Variants in RAP1GAP2 observed in about 807,000 individuals in gnomAD.
RAP1GAP2 encodes rap1 GTPase-activating protein 2.
In RAP1GAP2, 27 loss-of-function variants were observed where a neutral mutation model predicts 95.0. The ratio of observed to expected loss-of-function variants is 0.28; its 90% confidence interval spans 0.21 to 0.39. The LOEUF is 0.39. RAP1GAP2 is among the 10% of genes least tolerant of loss of function. RAP1GAP2 has a pLI of 1.00. For synonymous variants in RAP1GAP2, 373 were observed against 380.9 expected, an observed-to-expected ratio of 0.98 and a Z score of 0.24; for missense variants, 771 against 970.0, an observed-to-expected ratio of 0.79 and a Z score of 2.72.
At position 3,029,743 on chromosome 17, in the gene RAP1GAP2, G is replaced by A. The variant is rs979846620; in HGVS notation, c.2108-1179G>A. On this transcript the variant is annotated intron_variant, in intron 22 of 24. Coordinates refer to ENST00000254695, the MANE Select transcript of RAP1GAP2 (RefSeq NM_015085.5). The surrounding 1 kb of genome is among the most constrained non-coding windows in gnomAD (Gnocchi z 4.4). ...GGCCAGAGGACAGCCAGAAAGTCAA[G>A]TGGCCCTCCTGCCAGCGGGGCACAG... Among the ~76,000 whole-genome samples, 1 of 152,148 alleles carries A rather than the reference G, an allele frequency of 6.6e-6. No homozygotes were observed. The highest frequency in any genetic ancestry group is 1.5e-5 in the Non-Finnish European group (1 of 68,038).
chr17:2,938,966 A>G (rs934173766), intron 3 of RAP1GAP2, among the ~76,000 whole-genome samples: 1 of 152,214 alleles, frequency 6.6e-6, no homozygotes, highest in East Asian at 1.9e-4. Flanking sequence ...AGCCTGGGCA[A>G]CAAGAGTGAA....
rs558852443 is a variant in RAP1GAP2, at chr17:2,827,367, A to G, written c.80+26817A>G. ...TGTGGCACTTTCTAGTCAGGGAGGC[A>G]GATGAGAACAGAATGAAGAACGCAG... On this transcript the variant is annotated intron_variant, in intron 2 of 24. Transcript: ENST00000254695. The surrounding 1 kb of genome is among the most constrained non-coding windows in gnomAD (Gnocchi z 4.1). 6.6e-6 allele frequency among the ~76,000 whole-genome samples: 1 copy of G among 151,828 alleles called. No homozygotes were observed. The highest frequency in any genetic ancestry group is 2.1e-4 in the South Asian group (1 of 4,778).
intron 1 of RAP1GAP2, among the ~76,000 whole-genome samples, chr17:2,763,180 G>A (rs974447560): frequency 5.3e-5 from 8 of 152,294 alleles, no homozygotes; most frequent in South Asian, 2.1e-4. Context: ...AGTTGGACTC[G>A]TTAGTGGGGA....
intron 3 of RAP1GAP2, among the ~76,000 whole-genome samples, chr17:2,940,758 T>C (rs555888180): frequency 6.6e-6 from 1 of 152,164 alleles, no homozygotes; most frequent in Non-Finnish European, 1.5e-5. Context: ...CTTGGCCAGG[T>C]GGGGACTGTG....
At chr17:2,776,475 A>G (rs910665959), upstream of RAP1GAP2, among the ~76,000 whole-genome samples, 1 of 152,028 alleles carries the variant, frequency 6.6e-6, no homozygotes, top group Admixed American at 6.5e-5. Context: ...TTTGTTCCGG[A>G]GGAGCCGCCT....
intron 1 of RAP1GAP2, among the ~76,000 whole-genome samples, chr17:2,761,301 T>C (rs2071243104): frequency 6.8e-6 from 1 of 147,518 alleles, no homozygotes; most frequent in African/African-American, 2.5e-5. Flanking sequence ...TTTTTTTTTT[T>C]TTTTGAGACG....
chr17:2,893,868 C>G (rs749336285), intron 2 of RAP1GAP2, among the ~76,000 whole-genome samples: 17 of 152,196 alleles, frequency 1.1e-4, no homozygotes, highest in Non-Finnish European at 1.9e-4. Context: ...GAGGTGGAGC[C>G]TCTGCCACCC....
intron 2 of RAP1GAP2, among the ~76,000 whole-genome samples, chr17:2,877,077 C>T (rs146061141): frequency 4.6e-5 from 7 of 151,858 alleles, no homozygotes; most frequent in South Asian, 4.2e-4. Context: ...TTAGTAGAGA[C>T]GGGGTTTCTC....
intron 3 of RAP1GAP2, among the ~76,000 whole-genome samples, chr17:2,931,086 C>T (rs1384822304): frequency 2.2e-5 from 3 of 139,422 alleles, no homozygotes; most frequent in East Asian, 2.2e-4. Flanking sequence ...CGTGCCCTTG[C>T]ACTCTGGCCT....
intron 1 of RAP1GAP2, among the ~76,000 whole-genome samples, chr17:2,760,901 T>C (rs1318488191): frequency 6.6e-6 from 1 of 152,158 alleles, no homozygotes; most frequent in Non-Finnish European, 1.5e-5. Flanking sequence ...ACTGGTATTA[T>C]GAGTTTTGGG....
chr17:2,958,770 T>C (rs560435893), intron 4 of RAP1GAP2, among the ~76,000 whole-genome samples: 2 of 150,898 alleles, frequency 1.3e-5, no homozygotes, highest in East Asian at 4.0e-4. Flanking sequence ...GGTCTGGAAG[T>C]CCTAGGAGGA....
At chr17:2,915,165 C>T (rs2042533890) in intron 3 of RAP1GAP2, among the ~76,000 whole-genome samples, 1 of 152,170 alleles carries the variant, frequency 6.6e-6, no homozygotes, top group Non-Finnish European at 1.5e-5. Context: ...TCAAGTGATC[C>T]TCCTGCCTGG....
intron 3 of RAP1GAP2, among the ~76,000 whole-genome samples, chr17:2,948,196 C>T (rs943365849): frequency 6.6e-6 from 1 of 152,196 alleles, no homozygotes; most frequent in Non-Finnish European, 1.5e-5. Flanking sequence ...CGCAAGCACT[C>T]AGACAGCGTG....
At chr17:2,952,499 G>A (rs1331240575) in intron 3 of RAP1GAP2, among the ~76,000 whole-genome samples, 2 of 152,158 alleles carry the variant, frequency 1.3e-5, no homozygotes, top group African/African-American at 2.4e-5. Context: ...ACCAAAGGAC[G>A]TGGATATTTT....
intron 13 of RAP1GAP2, among the ~76,000 whole-genome samples, chr17:2,996,450 G>A (rs1484193702): frequency 2.0e-5 from 3 of 152,226 alleles, no homozygotes; most frequent in Non-Finnish European, 2.9e-5. Context: ...AGGGAGCACA[G>A]ATGTAAAATT....
chr17:2,969,351 A>C (rs2044754248), intron 8 of RAP1GAP2, among the ~76,000 whole-genome samples: 1 of 151,930 alleles, frequency 6.6e-6, no homozygotes, highest in Admixed American at 6.6e-5. Context: ...AAAACAAAGT[A>C]AAACAAAGCA....
intron 2 of RAP1GAP2, among the ~76,000 whole-genome samples, chr17:2,810,266 G>A (rs1166692961): frequency 2.6e-5 from 4 of 152,230 alleles, no homozygotes; most frequent in Non-Finnish European, 5.9e-5. Flanking sequence ...CCCTGGGGGC[G>A]CTGGGAGAGG....
chr17:2,873,505 AAAAAAAGC>A (rs2072943345), intron 2 of RAP1GAP2, among the ~76,000 whole-genome samples: 1 of 147,648 alleles, frequency 6.8e-6, no homozygotes, highest in African/African-American at 2.5e-5. Context: ...AAAAAAAAAA[AAAAAAAGC>A]AGCAGCAGCT....
intron 3 of RAP1GAP2, among the ~76,000 whole-genome samples, chr17:2,944,495 TA>T (rs2043634952): frequency 6.6e-6 from 1 of 151,342 alleles, no homozygotes; most frequent in Non-Finnish European, 1.5e-5. Flanking sequence ...TGTCGGTTCA[TA>T]TGCCTGTTAT....
Sources: allele counts gnomAD v4.1 joint callset (sites outside exome capture counted in the v4.1 genomes callset), GRCh38; gene constraint gnomAD v4.1.1; non-coding constraint Gnocchi (gnomAD v3.1); transcripts MANE v1.5; gene names NCBI Gene and HGNC (gene_info 2026-07-23, HGNC 2026-07-21).